MAN1A2: variants seen among roughly 807,000 people sequenced by gnomAD.
MAN1A2 encodes the protein mannosyl-oligosaccharide 1,2-alpha-mannosidase IB.
A neutral mutation model predicts 75.7 loss-of-function variants in MAN1A2; 26 were observed. The observed-to-expected ratio is 0.34, with a 90% CI of 0.25 to 0.48. The LOEUF (loss-of-function observed/expected upper bound fraction) is 0.48, where lower values mean the gene tolerates loss of function less well. MAN1A2 is among the 20% of genes least tolerant of loss of function. MAN1A2 has a pLI of 0.99. For missense variants in MAN1A2, 562 were observed against 775.5 expected (o/e 0.72, Z 3.27); for synonymous variants, 247 against 264.6 (o/e 0.93, Z 0.65).
chr1:117,433,049 TAAC>T (rs1489342273), intron 5 of MAN1A2, among the ~76,000 whole-genome samples: 1 of 151,448 alleles, frequency 6.6e-6, no homozygotes, highest in Non-Finnish European at 1.5e-5. Flanking sequence ...TCATATTAAT[TAAC>T]AATAAAGGAG....
rs1651191601 is a variant in MAN1A2 at position 117,501,225 on chromosome 1, GCACAAA to G, written c.1678-1622_1678-1617del. ...AGAATTTTGCTTTTGTAGCCTATATGCACAAACACAAACTCAATGTATAATCGGTCA... is the reference window on the plus strand; with the variant it reads ...AGAATTTTGCTTTTGTAGCCTATATGCACAAACTCAATGTATAATCGGTCA... On this transcript the variant is annotated intron_variant, in intron 11 of 12. Transcript: ENST00000356554. 1.3e-5 allele frequency among the ~76,000 whole-genome samples: 2 copies of G among 151,704 alleles called. 1 individual carries two copies. Among genetic ancestry groups the G allele is most frequent in the South Asian group, 4.1e-4 (2 of 4,822 alleles).
intron 4 of MAN1A2, among the ~76,000 whole-genome samples, 188 bp from the exon 5 acceptor site, chr1:117,420,381 G>C (rs985973347): frequency 2.0e-5 from 3 of 152,036 alleles, no homozygotes; most frequent in Non-Finnish European, 2.9e-5. Flanking sequence ...TGTGGTGACA[G>C]CAGTAGAGAA....
Position 117,499,374 on chromosome 1 carries a change from T to C in MAN1A2, c.1505-8T>C. 6.5e-7 allele frequency: 1 copy of C among 1,545,292 alleles called. No individual in the cohort carries two copies. The highest frequency in any genetic ancestry group is 8.7e-7 in the Non-Finnish European group (1 of 1,148,122). On this transcript the variant is annotated splice_polypyrimidine_tract_variant and splice_region_variant and intron_variant, in intron 10 of 12. Transcript: ENST00000356554. ...TTTTGCTCAGTTATTTCTTTTGTCA[T>C]GTTACAGCATTAAAGCTAGGTCCTG... is the stretch of plus-strand genomic sequence containing the variant.
intron 6 of MAN1A2, among the ~76,000 whole-genome samples, chr1:117,459,556 A>G (rs551855234): frequency 4.2e-4 from 64 of 152,304 alleles, no homozygotes; most frequent in Admixed American, 8.5e-4. Flanking sequence ...ATCTGCATTT[A>G]CTCAGTCTGT....
intron 12 of MAN1A2, among the ~76,000 whole-genome samples, chr1:117,506,440 T>C (rs1651373602): frequency 6.6e-6 from 1 of 151,620 alleles, no homozygotes; most frequent in African/African-American, 2.4e-5. Context: ...AGGCCATGTC[T>C]CCTACTTTTT....
chr1:117,422,652 A>G (rs1346982409), intron 5 of MAN1A2, among the ~76,000 whole-genome samples: 2 of 151,974 alleles, frequency 1.3e-5, no homozygotes, highest in Non-Finnish European at 2.9e-5. Context: ...TGGTGGTTCT[A>G]TTTTGCATTC....
At chr1:117,428,794 TTTTTTTTTTTTTTA>T (rs913603747) in intron 5 of MAN1A2, among the ~76,000 whole-genome samples, 2 of 146,436 alleles carry the variant, frequency 1.4e-5, no homozygotes, top group African/African-American at 2.5e-5. Flanking sequence ...CTTTTTTTTT[TTTTTTTTTTTTTTA>T]AATTTATTTT....
chr1:117,512,129 G>GT (rs1199892529), intron 12 of MAN1A2, among the ~76,000 whole-genome samples: 6 of 152,092 alleles, frequency 3.9e-5, no homozygotes, highest in Non-Finnish European at 4.4e-5. Context: ...AATTCACTTA[G>GT]TTTTAGGAGG....
At position 117,526,415 on chromosome 1, in the gene MAN1A2, A is replaced by G. The variant is rs879698435; in HGVS notation, c.*3458A>G. 3 of 151,772 alleles carry G rather than the reference A, an allele frequency of 2.0e-5. No individual in the cohort carries two copies. Among genetic ancestry groups the G allele is most frequent in the African/African-American group, 7.2e-5 (3 of 41,414 alleles). The allele number at this position is 151,772 out of a possible 1,614,324, so 9.4% of individuals were successfully genotyped here. A position where few individuals can be genotyped will look rare whatever the true frequency, so the allele number is the denominator to read the frequency against. On this transcript the variant is annotated 3_prime_UTR_variant, in exon 13 of 13. Transcript: ENST00000356554. ...TAAAGAGGAAAAAGAAAAGGTTTATAATATATTTTAAAACAATGTGTTACT... is the reference window on the plus strand; with the variant it reads ...TAAAGAGGAAAAAGAAAAGGTTTATGATATATTTTAAAACAATGTGTTACT...
chr1:117,471,281 G>A (rs989774370), intron 8 of MAN1A2, among the ~76,000 whole-genome samples: 4 of 151,638 alleles, frequency 2.6e-5, no homozygotes, highest in Admixed American at 2.0e-4. Context: ...TGTTCTCATT[G>A]TACTTATTTA....
At chr1:117,486,416 G>A (rs1470340090) in intron 8 of MAN1A2, among the ~76,000 whole-genome samples, 1 of 151,934 alleles carries the variant, frequency 6.6e-6, no homozygotes, top group East Asian at 1.9e-4. Context: ...ATGCTTTTCT[G>A]TATACATGTT....
intron 5 of MAN1A2, among the ~76,000 whole-genome samples, chr1:117,437,699 G>C (rs1648890018): frequency 6.6e-6 from 1 of 151,932 alleles, no homozygotes; most frequent in African/African-American, 2.4e-5. Context: ...TGTAAAATGG[G>C]GGCAAAATTA....
chr1:117,383,733 A>G (rs1243257510), intron 1 of MAN1A2, among the ~76,000 whole-genome samples: 1 of 151,852 alleles, frequency 6.6e-6, no homozygotes, highest in African/African-American at 2.4e-5. Flanking sequence ...ATAATTGTTT[A>G]TCATATTCTT....
intron 1 of MAN1A2, among the ~76,000 whole-genome samples, chr1:117,390,433 A>G (rs1193336958): frequency 6.6e-6 from 1 of 151,752 alleles, no homozygotes; most frequent in Non-Finnish European, 1.5e-5. Flanking sequence ...TCTTACTGTC[A>G]TTTGAGTATT....
chr1:117,520,040 A>G (rs1458036759), intron 12 of MAN1A2, among the ~76,000 whole-genome samples: 1 of 152,136 alleles, frequency 6.6e-6, no homozygotes, highest in East Asian at 1.9e-4. Flanking sequence ...AAGTCAATAA[A>G]TGTGATATCC....
At chr1:117,453,167 A>G (rs72466660) in intron 6 of MAN1A2, among the ~76,000 whole-genome samples, 9 of 152,326 alleles carry the variant, frequency 5.9e-5, no homozygotes, top group African/African-American at 1.4e-4. Flanking sequence ...CCCATTTTCT[A>G]CAGTGAAGAT....
At chr1:117,432,807 A>G (rs1648714357) in intron 5 of MAN1A2, among the ~76,000 whole-genome samples, 1 of 151,484 alleles carries the variant, frequency 6.6e-6, no homozygotes, top group South Asian at 2.1e-4. Context: ...AGACCAGTAT[A>G]CTTTTTAAAT....
In MAN1A2 at chr1:117,528,354, C is replaced by G. The variant is rs1277722302; in HGVS notation, c.*5397C>G. Reference sequence around the variant, plus strand: ...TAGAGGGAGCAGAGACTTACTGTCTCTCTTCCACATTATAAATGAACTGCC... The same window carrying G: ...TAGAGGGAGCAGAGACTTACTGTCTGTCTTCCACATTATAAATGAACTGCC... On this transcript the variant is annotated 3_prime_UTR_variant, in exon 13 of 13. Transcript: ENST00000356554. 4.6e-5 allele frequency: 7 copies of G among 152,014 alleles called. No individual in the cohort carries two copies. In the East Asian group the frequency reaches 1.2e-3, roughly 25 times the overall value. 9.4% of individuals were successfully genotyped at this position (152,014 alleles called of 1,614,324 possible).
chr1:117,370,848 T>C (rs1470190575), intron 1 of MAN1A2, among the ~76,000 whole-genome samples: 1 of 152,054 alleles, frequency 6.6e-6, no homozygotes, highest in African/African-American at 2.4e-5. Flanking sequence ...CCATTTCTTA[T>C]TTGCAGTACT....
Sources: gnomAD v4.1 joint callset for allele counts (sites outside exome capture counted in the v4.1 genomes callset) on GRCh38, gnomAD v4.1.1 for gene constraint, MANE v1.5 for transcripts, NCBI Gene and HGNC (gene_info 2026-07-23, HGNC 2026-07-21) for gene names.